Variants in ITPK1 observed in about 807,000 individuals in gnomAD.
ITPK1 encodes the protein inositol 1,3,4-trisphosphate 5/6-kinase.
In ITPK1, 21 loss-of-function variants were observed where a neutral mutation model predicts 45.3. That is an observed-to-expected ratio of 0.46 (90% CI 0.33 to 0.67). The LOEUF (loss-of-function observed/expected upper bound fraction) is 0.67, where lower values mean the gene tolerates loss of function less well. ITPK1 is among the 30% of genes least tolerant of loss of function. The pLI, the probability that ITPK1 is intolerant of heterozygous loss-of-function variation, is 0.02. For synonymous variants in ITPK1, 258 were observed against 253.6 expected (o/e 1.02, Z -0.16); for missense variants, 474 against 573.5 (o/e 0.83, Z 1.77).
rs1566679410 is a variant in ITPK1, at chr14:92,939,155, C to T, written c.*2406G>A. 1 of 151,194 alleles carries T rather than the reference C, an allele frequency of 6.6e-6. No homozygotes were observed. The highest frequency in any genetic ancestry group is 2.4e-5 in the African/African-American group (1 of 41,342). The allele number at this position is 151,194 out of a possible 1,614,324, so 9.4% of individuals were successfully genotyped here. On this transcript the variant is annotated 3_prime_UTR_variant, in exon 11 of 11. Transcript: ENST00000267615. ...TTGCTAAGTGGGTCCCTTCCTTGGA[C>T]CCAGACACTCTCAGTGACTCTGCTC...
intron 3 of ITPK1, among the ~76,000 whole-genome samples, chr14:93,027,051 T>C (rs1595149142): frequency 6.6e-6 from 1 of 152,198 alleles, no homozygotes; most frequent in African/African-American, 2.4e-5. Context: ...ATATATTTCA[T>C]TTAAAGGCAC....
chr14:93,019,614 A>G (rs1305301635), intron 3 of ITPK1, among the ~76,000 whole-genome samples: 1 of 152,106 alleles, frequency 6.6e-6, no homozygotes, highest in Admixed American at 6.5e-5. Context: ...TGGCAGCTCT[A>G]GTGGCTCTTC....
intron 3 of ITPK1, among the ~76,000 whole-genome samples, chr14:93,055,850 C>A (rs1329535417): frequency 6.6e-6 from 1 of 152,208 alleles, no homozygotes. Context: ...GTGAAGCCAG[C>A]TGACTGGAGT....
At chr14:93,071,981 A>G (rs1211719189) in intron 3 of ITPK1, 1 of 152,148 alleles carries the variant, frequency 6.6e-6, no homozygotes, top group African/African-American at 2.4e-5. Context: ...AAAATTGTAT[A>G]AGAAATAACC....
rs1450390938 is a variant in ITPK1 at position 92,937,666 on chromosome 14, G to GGGA, written c.*3892_*3894dup. 6.6e-6 allele frequency: 1 copy of GGGA among 152,526 alleles called. No homozygotes were observed. Among genetic ancestry groups the GGGA allele is most frequent in the Non-Finnish European group, 1.5e-5 (1 of 68,266 alleles). 9.4% of individuals were successfully genotyped at this position (152,526 alleles called of 1,614,324 possible). On this transcript the variant is annotated 3_prime_UTR_variant, in exon 11 of 11. Transcript: ENST00000267615. ...CACAGCACAGACCCTTTCTCACAAG[G>GGGA]GGAGGACCCATGGGAGAAGCCTCGC...
At chr14:92,952,066 A>G (rs895093736) in intron 8 of ITPK1, 53 bp from the exon 9 acceptor site, 9 of 1,398,434 alleles carry the variant, frequency 6.4e-6, no homozygotes, top group East Asian at 2.5e-5. Flanking sequence ...CAGGGACCAC[A>G]CTGCCGCCAC....
At position 93,076,147 on chromosome 14, in the gene ITPK1, ATCCT is replaced by A. The variant is rs1323335719; in HGVS notation, c.120+444_120+447del. Among the ~76,000 whole-genome samples, 2 of 145,174 alleles carry A rather than the reference ATCCT, an allele frequency of 1.4e-5. No individual in the cohort carries two copies. The highest frequency in any genetic ancestry group is 2.6e-5 in the African/African-American group (1 of 38,620). On this transcript the variant is annotated intron_variant, in intron 3 of 10. Transcript: ENST00000267615. The surrounding 1 kb of genome is among the most constrained non-coding windows in gnomAD (Gnocchi z 4.3). Reference sequence around the variant, plus strand: ...TGTCCACCTTTCCCCTCCCTCCAAGATCCTTCCTTCCCCCTCCATCCATTCTTCC... The same window carrying A: ...TGTCCACCTTTCCCCTCCCTCCAAGATCCTTCCCCCTCCATCCATTCTTCC...
intron 2 of ITPK1, among the ~76,000 whole-genome samples, chr14:93,104,130 G>A (rs1488320849): frequency 6.6e-6 from 1 of 152,184 alleles, no homozygotes; most frequent in Non-Finnish European, 1.5e-5. Context: ...CAACTTCACT[G>A]CCATCTCCAC....
rs111631637 is a variant in ITPK1, at chr14:92,976,117, C to T, written c.365-13268G>A. On this transcript the variant is annotated intron_variant, in intron 5 of 10. Coordinates refer to ENST00000267615, the MANE Select transcript of ITPK1 (RefSeq NM_014216.6). The stretch of plus-strand genomic sequence containing the variant: ...AAACCTCTTTCCTTTATAAATGACA[C>T]AGTCTTGGGTATGTCCTTATAGCAG... Among the ~76,000 whole-genome samples the T allele has an allele frequency of 2.1e-4, 32 of 152,332 alleles. 1 individual carries two copies. The highest frequency in any genetic ancestry group is 6.0e-4 in the African/African-American group (25 of 41,570).
Position 92,958,323 on chromosome 14 carries a change from G to A in ITPK1, c.548C>T (p.Pro183Leu). 6.2e-7 allele frequency: 1 copy of A among 1,614,200 alleles called. No homozygotes were observed. The highest frequency in any genetic ancestry group is 8.5e-7 in the Non-Finnish European group (1 of 1,180,018). Reference sequence around the variant, plus strand: ...GATGAAATTCTGGACCACGCAGGGTGGCTGGATGGCGTTCAGGCCCTCCTG... The same window carrying A: ...GATGAAATTCTGGACCACGCAGGGTAGCTGGATGGCGTTCAGGCCCTCCTG... Reference protein sequence around the residue: ...FNQEGLNAIQPPCVVQNFINH... With the variant: ...FNQEGLNAIQLPCVVQNFINH... The change falls in exon 8 of 11, where the codon CCA becomes CTA. Residue 183 changes from proline (P) to leucine (L), a missense_variant. Physicochemically the swap from Pro to Leu is moderately conservative, Grantham distance 98. Coordinates refer to ENST00000267615, the MANE Select transcript of ITPK1 (RefSeq NM_014216.6). The surrounding 1 kb of genome is among the most constrained non-coding windows in gnomAD (Gnocchi z 4.4).
At chr14:92,968,594 C>T (rs560968518) in intron 5 of ITPK1, among the ~76,000 whole-genome samples, 156 of 152,192 alleles carry the variant, frequency 1.0e-3, no homozygotes, top group African/African-American at 3.5e-3. Flanking sequence ...GGAGTCCAGA[C>T]GAAATGCAAG....
chr14:92,997,914 C>T (rs979071704), intron 4 of ITPK1, among the ~76,000 whole-genome samples: 1 of 152,238 alleles, frequency 6.6e-6, no homozygotes, highest in African/African-American at 2.4e-5. Flanking sequence ...ACAGAGACAA[C>T]TGGCCCTTTG....
rs569010886 is a variant in ITPK1, at chr14:92,950,875, A to T, written c.738+1071T>A. Among the ~76,000 whole-genome samples, 7 of 152,366 alleles carry T rather than the reference A, an allele frequency of 4.6e-5. No homozygotes were observed. The South Asian group carries it at 1.4e-3, about 32-fold the overall frequency. On this transcript the variant is annotated intron_variant, in intron 9 of 10. Transcript: ENST00000267615. Reference sequence around the variant, plus strand: ...TGTTCCCAAAGCCTGATATGTTCCCAGGGGACATGTGTCAACATCCTGAGG... The same window carrying T: ...TGTTCCCAAAGCCTGATATGTTCCCTGGGGACATGTGTCAACATCCTGAGG...
chr14:93,081,493 A>G (rs1891432263), intron 2 of ITPK1, among the ~76,000 whole-genome samples: 1 of 152,252 alleles, frequency 6.6e-6, no homozygotes, highest in African/African-American at 2.4e-5. Flanking sequence ...AAGCTGGATT[A>G]TTAACAAAGG....
intron 3 of ITPK1, chr14:93,071,630 C>T (rs1049145319): frequency 5.3e-5 from 8 of 151,788 alleles, no homozygotes; most frequent in Non-Finnish European, 1.2e-4. Context: ...ATCTAAATAC[C>T]ACGGCGATTA....
intron 5 of ITPK1, among the ~76,000 whole-genome samples, chr14:92,984,829 C>T (rs549054067): frequency 9.2e-5 from 14 of 152,202 alleles, no homozygotes; most frequent in South Asian, 4.1e-4. Flanking sequence ...GATGACTGTT[C>T]GGTAAATACC....
intron 9 of ITPK1, among the ~76,000 whole-genome samples, chr14:92,950,066 C>T (rs1009075380): frequency 1.3e-5 from 2 of 152,226 alleles, no homozygotes; most frequent in African/African-American, 4.8e-5. Flanking sequence ...AGAGGCGACG[C>T]GACTCGCCTT....
rs143116443 is a variant in ITPK1 at position 92,946,470 on chromosome 14, G to A, written c.762C>T (p.Phe254=). 316 of 1,612,824 alleles carry A rather than the reference G, an allele frequency of 2.0e-4. No individual in the cohort carries two copies. In the African/African-American group the frequency reaches 3.2e-3, roughly 16 times the overall value. Residue 254 remains phenylalanine, a synonymous_variant, in exon 10 of 11, where the codon TTC becomes TTT. Transcript: ENST00000267615. Reference sequence around the variant, plus strand: ...GGATGACCTCGTCGCTCGGCCGCTCGAACACGCCCTCGATCTTGTCCAGCT... The same window carrying A: ...GGATGACCTCGTCGCTCGGCCGCTCAAACACGCCCTCGATCTTGTCCAGCT... ...LTELDKIEGV[F]ERPSDEVIRE...
intron 10 of ITPK1, among the ~76,000 whole-genome samples, chr14:92,945,642 G>A (rs1199776729): frequency 6.6e-6 from 1 of 152,180 alleles, no homozygotes; most frequent in Non-Finnish European, 1.5e-5. Context: ...TCCCCAGGGC[G>A]AGGCACGCAG....
Sources: gnomAD v4.1 joint callset for allele counts (sites outside exome capture counted in the v4.1 genomes callset) on GRCh38, gnomAD v4.1.1 for gene constraint, Gnocchi (gnomAD v3.1) non-coding constraint, MANE v1.5 for transcripts, NCBI Gene and HGNC (gene_info 2026-07-23, HGNC 2026-07-21) for gene names.